FGF12: variants seen among roughly 807,000 people sequenced by gnomAD.
FGF12 encodes the protein fibroblast growth factor 12B.
Under a neutral mutation model 23.6 loss-of-function variants are expected in FGF12, and 14 were observed. The ratio of observed to expected loss-of-function variants is 0.59; its 90% CI spans 0.39 to 0.93. The LOEUF (loss-of-function observed/expected upper bound fraction) is 0.93. Among genes scored for constraint, FGF12 ranks in the 40% least tolerant of loss-of-function variants. FGF12 has a pLI of 0.00. For missense variants in FGF12, 175 were observed against 217.8 expected, an observed-to-expected ratio of 0.80 and a Z score of 1.24; for synonymous variants, 62 against 77.3, an observed-to-expected ratio of 0.80 and a Z score of 1.04.
chr3:192,156,997 G>C lies in FGF12; in HGVS notation c.428-12870C>G, dbSNP rs569331912. The stretch of plus-strand genomic sequence containing the variant: ...TAGAGCTATCGTAGATTGAAACGGA[G>C]AGATTTAACCCAGCTTTCTGAGTGA... On this transcript the variant is annotated intron_variant, in intron 5 of 5. Coordinates refer to ENST00000445105, the MANE Select transcript of FGF12 (RefSeq NM_004113.6). Among the ~76,000 whole-genome samples the C allele has an allele frequency of 2.6e-5, 4 of 152,264 alleles. No homozygotes were observed. In the East Asian group the frequency reaches 7.7e-4, roughly 29 times the overall value.
At chr3:192,500,554 C>T (rs1412939083) in intron 2 of FGF12, among the ~76,000 whole-genome samples, 1 of 152,204 alleles carries the variant, frequency 6.6e-6, no homozygotes, top group Non-Finnish European at 1.5e-5. Context: ...CAGGTTACTA[C>T]TCTTTCTGCT....
At chr3:192,566,690 A>G (rs537933317) in intron 2 of FGF12, among the ~76,000 whole-genome samples, 3 of 152,200 alleles carry the variant, frequency 2.0e-5, no homozygotes, top group African/African-American at 7.2e-5. Flanking sequence ...TGGTATTTCC[A>G]AACCATCTCC....
chr3:192,610,718 C>A (rs894497685), intron 2 of FGF12, among the ~76,000 whole-genome samples: 2 of 152,030 alleles, frequency 1.3e-5, no homozygotes, highest in African/African-American at 4.8e-5. Flanking sequence ...CAAGGCCCTG[C>A]AAGATCTGGC....
chr3:192,317,151 C>T (rs1716267364), intron 4 of FGF12, among the ~76,000 whole-genome samples: 1 of 151,034 alleles, frequency 6.6e-6, no homozygotes, highest in Admixed American at 6.6e-5. Context: ...CCAGCATATT[C>T]CCACATGTAG....
At position 192,651,271 on chromosome 3, in the gene FGF12, T is replaced by C. The variant is rs151079086; in HGVS notation, c.13+75910A>G. ...GAGTGGGATATTCAGGTGGGGTGAA[T>C]TGGGTACAAACCAGTCATATGAACC... On this transcript the variant is annotated intron_variant, in intron 2 of 5. Transcript: ENST00000445105. Among the ~76,000 whole-genome samples the C allele has an allele frequency of 8.6e-3, 1,314 of 152,258 alleles. 15 individuals carry two copies. The highest frequency in any genetic ancestry group is 0.029 in the African/African-American group (1,224 of 41,544).
At chr3:192,251,931 A>T (rs1406934729) in intron 4 of FGF12, among the ~76,000 whole-genome samples, 3 of 152,182 alleles carry the variant, frequency 2.0e-5, no homozygotes, top group African/African-American at 7.2e-5. Flanking sequence ...TTTACACATT[A>T]GATTTGAGCA....
At chr3:192,274,413 T>G (rs1055244811) in intron 4 of FGF12, among the ~76,000 whole-genome samples, 7 of 152,162 alleles carry the variant, frequency 4.6e-5, no homozygotes, top group African/African-American at 1.7e-4. Flanking sequence ...TTGCCTACTG[T>G]TTATATACCT....
intron 2 of FGF12, among the ~76,000 whole-genome samples, chr3:192,454,926 A>T (rs1203430234): frequency 6.7e-6 from 1 of 149,200 alleles, no homozygotes; most frequent in Non-Finnish European, 1.5e-5. Context: ...GTGGGCTTGG[A>T]CATCTCAGTT....
intron 4 of FGF12, among the ~76,000 whole-genome samples, chr3:192,240,973 T>A (rs1719587728): frequency 6.6e-6 from 1 of 152,152 alleles, no homozygotes; most frequent in Admixed American, 6.5e-5. Flanking sequence ...ACCTTAGATA[T>A]CTACACAGCA....
intron 4 of FGF12, among the ~76,000 whole-genome samples, chr3:192,185,401 G>C (rs75211636): frequency 6.6e-6 from 1 of 152,206 alleles, no homozygotes; most frequent in Non-Finnish European, 1.5e-5. Flanking sequence ...CATGTCGGGA[G>C]TAGTTTGATG....
At chr3:192,651,225 C>T (rs111413620) in intron 2 of FGF12, among the ~76,000 whole-genome samples, 17 of 152,236 alleles carry the variant, frequency 1.1e-4, no homozygotes, top group East Asian at 7.7e-4. Flanking sequence ...TCAGACTAAC[C>T]GACATTTGTT....
intron 4 of FGF12, among the ~76,000 whole-genome samples, chr3:192,220,320 C>T (rs940498520): frequency 6.6e-6 from 1 of 152,160 alleles, no homozygotes; most frequent in Non-Finnish European, 1.5e-5. Flanking sequence ...CTTCACCATT[C>T]TACTTCCCTA....
At chr3:192,711,226 G>A (rs1033878079) in intron 2 of FGF12, among the ~76,000 whole-genome samples, 11 of 145,194 alleles carry the variant, frequency 7.6e-5, no homozygotes, top group African/African-American at 2.5e-4. Flanking sequence ...TGTAAATCCC[G>A]TCCGGGAGGG....
At chr3:192,459,080 A>G (rs1212095024) in intron 2 of FGF12, among the ~76,000 whole-genome samples, 1 of 152,186 alleles carries the variant, frequency 6.6e-6, no homozygotes, top group Non-Finnish European at 1.5e-5. Flanking sequence ...GCTATGTGTA[A>G]CTGTGAGTCC....
rs6779187 is a variant in FGF12 at position 192,191,370 on chromosome 3, T to C, written c.229-20714A>G. 6.3e-3 allele frequency among the ~76,000 whole-genome samples: 958 copies of C among 152,296 alleles called. 13 individuals carry two copies. The highest frequency in any genetic ancestry group is 0.022 in the African/African-American group (927 of 41,558). On this transcript the variant is annotated intron_variant, in intron 4 of 5. Transcript: ENST00000445105. Reference sequence around the variant, plus strand: ...CAAGAGTGAACCCTATTGTAAACTATTGACTTTGGTTGATAATGATATGTC... The same window carrying C: ...CAAGAGTGAACCCTATTGTAAACTACTGACTTTGGTTGATAATGATATGTC...
intron 3 of FGF12, among the ~76,000 whole-genome samples, chr3:192,344,426 G>A (rs900812444): frequency 2.6e-5 from 4 of 152,076 alleles, no homozygotes; most frequent in African/African-American, 9.6e-5. Context: ...CAACTATGTG[G>A]TTAAAATAAA....
chr3:192,208,305 C>T (rs927122463), intron 4 of FGF12, among the ~76,000 whole-genome samples: 1 of 152,138 alleles, frequency 6.6e-6, no homozygotes, highest in Admixed American at 6.5e-5. Context: ...CAAATTTCAG[C>T]CACCATAACT....
intron 2 of FGF12, among the ~76,000 whole-genome samples, chr3:192,548,532 T>C (rs2108583356): frequency 6.6e-6 from 1 of 152,282 alleles, no homozygotes; most frequent in Middle Eastern, 3.4e-3. Flanking sequence ...CTAGATTGAT[T>C]CTTATCAACT....
At chr3:192,400,326 T>C (rs1576950548) in intron 2 of FGF12, among the ~76,000 whole-genome samples, 1 of 151,648 alleles carries the variant, frequency 6.6e-6, no homozygotes, top group East Asian at 1.9e-4. Context: ...GTAAAACCAT[T>C]AAACAATAAA....
Sources: allele counts gnomAD v4.1 joint callset (sites outside exome capture counted in the v4.1 genomes callset), GRCh38; gene constraint gnomAD v4.1.1; transcripts MANE v1.5; gene names NCBI Gene and HGNC (gene_info 2026-07-23, HGNC 2026-07-21).